Variants in LINGO2 observed in about 807,000 individuals in gnomAD.
The protein encoded by LINGO2 is leucine rich repeat and Ig domain containing 2.
In LINGO2, 14 loss-of-function variants were observed where a neutral mutation model predicts 30.6. The observed-to-expected ratio is 0.46, with a 90% CI of 0.30 to 0.72. LINGO2 has a LOEUF of 0.72. Among genes scored for constraint, LINGO2 ranks in the 30% least tolerant of loss-of-function variants. The pLI, the probability that LINGO2 is intolerant of heterozygous loss-of-function variation, is 0.07. For synonymous variants in LINGO2, 317 were observed against 288.5 expected (o/e 1.10, Z -1.00); for missense variants, 729 against 751.7 (o/e 0.97, Z 0.35).
At chr9:27,984,384 G>T (rs1003274748) in intron 5 of LINGO2, among the ~76,000 whole-genome samples, 1 of 151,836 alleles carries the variant, frequency 6.6e-6, no homozygotes, top group Non-Finnish European at 1.5e-5. Flanking sequence ...TAGCTCAACT[G>T]GTTGAAATCT....
chr9:29,079,891 A>G, the LINGO2 span, among the ~76,000 whole-genome samples: 1 of 152,034 alleles, frequency 6.6e-6, no homozygotes, highest in Non-Finnish European at 1.5e-5. Flanking sequence ...ATAGTTTATT[A>G]TTTCTATGTG....
At chr9:28,429,317 A>G (rs1587660513) in intron 2 of LINGO2, among the ~76,000 whole-genome samples, 1 of 152,178 alleles carries the variant, frequency 6.6e-6, no homozygotes, top group African/African-American at 2.4e-5. Flanking sequence ...AAAATTTTAG[A>G]TTAAAAAAAT....
intron 4 of LINGO2, among the ~76,000 whole-genome samples, chr9:28,209,802 C>T (rs35643424): frequency 6.6e-6 from 1 of 151,300 alleles, no homozygotes. Context: ...AGATAATGGA[C>T]ATATTTCAGT....
At chr9:28,195,899 G>C (rs1819994091) in intron 4 of LINGO2, among the ~76,000 whole-genome samples, 1 of 151,558 alleles carries the variant, frequency 6.6e-6, no homozygotes, top group South Asian at 2.1e-4. Flanking sequence ...TTCTATATAA[G>C]TTATCAGCAA....
At chr9:28,060,814 T>C (rs530647195) in intron 4 of LINGO2, among the ~76,000 whole-genome samples, 6 of 152,274 alleles carry the variant, frequency 3.9e-5, no homozygotes, top group African/African-American at 7.2e-5. Flanking sequence ...AATGTGTAAA[T>C]GAGGTTTCAG....
chr9:28,880,231 C>G, the LINGO2 span, among the ~76,000 whole-genome samples: 1 of 152,218 alleles, frequency 6.6e-6, no homozygotes, highest in South Asian at 2.1e-4. Context: ...AGAGATCTGA[C>G]TGTTACTGTG....
At chr9:28,412,655 T>C (rs1297604357) in intron 2 of LINGO2, among the ~76,000 whole-genome samples, 4 of 151,988 alleles carry the variant, frequency 2.6e-5, no homozygotes, top group Non-Finnish European at 5.9e-5. Flanking sequence ...ATTAAGAAAA[T>C]AGCTCCTTGG....
exon 6 of LINGO2, chr9:27,949,120 T>C: frequency 6.2e-7 from 1 of 1,614,186 alleles, no homozygotes; most frequent in Non-Finnish European, 8.5e-7. Flanking sequence ...GAGTCGGTCA[T>C]GTACATAGGG....
At chr9:28,041,179 T>A (rs1237223858) in intron 4 of LINGO2, among the ~76,000 whole-genome samples, 1 of 152,220 alleles carries the variant, frequency 6.6e-6, no homozygotes, top group African/African-American at 2.4e-5. Context: ...ATCTAGCATC[T>A]ATTCTGTCTA....
intron 3 of LINGO2, among the ~76,000 whole-genome samples, chr9:28,355,032 C>G (rs1332112771): frequency 6.6e-6 from 1 of 152,084 alleles, no homozygotes; most frequent in African/African-American, 2.4e-5. Context: ...ATTAAAGGTG[C>G]TAACAAACTT....
chr9:28,748,913 A>G, the LINGO2 span, among the ~76,000 whole-genome samples: 2 of 152,174 alleles, frequency 1.3e-5, no homozygotes, highest in South Asian at 2.1e-4. Flanking sequence ...TGGTAGTTGT[A>G]AATTTTGTAT....
At chr9:28,179,866 T>A (rs1397353621) in intron 4 of LINGO2, among the ~76,000 whole-genome samples, 1 of 151,794 alleles carries the variant, frequency 6.6e-6, no homozygotes, top group East Asian at 1.9e-4. Context: ...GTTAAGCAGG[T>A]TTGTGCAGCT....
chr9:28,314,961 G>A (rs1824783392), intron 3 of LINGO2, among the ~76,000 whole-genome samples: 1 of 146,518 alleles, frequency 6.8e-6, no homozygotes, highest in Admixed American at 7.0e-5. Context: ...AGTGAGCCGA[G>A]ATCGCGCCAC....
At chr9:28,407,615 G>A (rs74433886) in intron 2 of LINGO2, among the ~76,000 whole-genome samples, 1 of 152,240 alleles carries the variant, frequency 6.6e-6, no homozygotes, top group East Asian at 1.9e-4. Flanking sequence ...AAGGGTTTCT[G>A]CTAATTTGCA....
intron 2 of LINGO2, among the ~76,000 whole-genome samples, chr9:28,460,804 G>C (rs1330813965): frequency 6.6e-6 from 1 of 152,132 alleles, no homozygotes; most frequent in African/African-American, 2.4e-5. Context: ...TGGAGGGCAA[G>C]TGTGTGGTTT....
Position 28,551,153 on chromosome 9 carries a change from C to A in LINGO2, c.-364-75128G>T, listed in dbSNP as rs376085207. On this transcript the variant is annotated intron_variant, in intron 1 of 5. Transcript: ENST00000379992. ...AACAATAAAAAGATAATCATTAAAG[C>A]AAGTCTTGTATTAATATTTTAAACT... Among the ~76,000 whole-genome samples the A allele has an allele frequency of 8.0e-4, 122 of 151,726 alleles. 1 individual carries two copies. In the East Asian group the frequency reaches 0.017, roughly 21 times the overall value.
chr9:28,997,822 CA>C, the LINGO2 span, among the ~76,000 whole-genome samples: 1 of 147,814 alleles, frequency 6.8e-6, no homozygotes. Flanking sequence ...GACTCTGTCT[CA>C]AAAAAAAACA....
At chr9:29,100,915 A>G in the LINGO2 span, among the ~76,000 whole-genome samples, 1 of 151,770 alleles carries the variant, frequency 6.6e-6, no homozygotes, top group Non-Finnish European at 1.5e-5. Context: ...ACTGCGGAGA[A>G]AAAAAGGAAG....
rs546587266 is a variant in LINGO2 at position 28,464,900 on chromosome 9, T to A, written c.-279+11040A>T. 5.3e-5 allele frequency among the ~76,000 whole-genome samples: 8 copies of A among 152,326 alleles called. No homozygotes were observed. In the East Asian group the frequency reaches 1.5e-3, roughly 29 times the overall value. On this transcript the variant is annotated intron_variant, in intron 2 of 5. Coordinates refer to ENST00000379992, the Ensembl canonical transcript of LINGO2. The stretch of plus-strand genomic sequence containing the variant: ...CAGGATAGTTCCCCTGACCAGTTTG[T>A]GGGACTCATGAAGGGGTGGCTTGCT...
Sources: allele counts gnomAD v4.1 joint callset (sites outside exome capture counted in the v4.1 genomes callset), GRCh38; gene constraint gnomAD v4.1.1; transcripts MANE v1.5; gene names NCBI Gene and HGNC (gene_info 2026-07-23, HGNC 2026-07-21).